The following CUBN variants were observed in gnomAD, a reference collection of about 807,000 sequenced individuals.
The protein encoded by CUBN is 460 kDa receptor.
A neutral mutation model predicts 405.3 loss-of-function variants in CUBN; 282 were observed. That is an observed-to-expected ratio of 0.70 (90% confidence interval 0.63 to 0.77). The LOEUF (loss-of-function observed/expected upper bound fraction) is 0.77, where lower values mean the gene tolerates loss of function less well. CUBN is among the 30% of genes least tolerant of loss of function. The probability of loss-of-function intolerance (pLI) is 0.00; values close to 1 mark genes in which losing one functional copy is unlikely to be tolerated. For missense variants in CUBN, 4,514 were observed against 4,475.2 expected (o/e 1.01, Z -0.25); for synonymous variants, 1,684 against 1,617.0 (o/e 1.04, Z -0.99).
intron 28 of CUBN, among the ~76,000 whole-genome samples, chr10:16,996,864 T>C (rs547939367): frequency 1.3e-5 from 2 of 152,210 alleles, no homozygotes; most frequent in African/African-American, 2.4e-5. Context: ...AGAGAAGTGA[T>C]TCATCACCGA....
In CUBN at chr10:16,913,938, G is replaced by C. The variant is rs202229367; in HGVS notation, c.7406C>G (p.Pro2469Arg). Residue 2469 changes from proline (P) to arginine (R), a missense_variant, in exon 48 of 67, where the codon CCG becomes CGG. Physicochemically the swap from Pro to Arg is moderately radical, Grantham distance 103. This residue lies in a region of CUBN where 1,613 missense variants were observed against 1,542.8 expected (regional missense o/e 1.05). Coordinates refer to ENST00000377833, the MANE Select transcript of CUBN (RefSeq NM_001081.4). ...GATCCGGCCATGAGGATTTGGGTTCGGGTAGTTGGGAGAAGTAAATGTTCC... is the reference window on the plus strand; with the variant it reads ...GATCCGGCCATGAGGATTTGGGTTCCGGTAGTTGGGAGAAGTAAATGTTCC... Reference protein sequence around the residue: ...SIGTFTSPNYPNPNPHGRICE... With the variant: ...SIGTFTSPNYRNPNPHGRICE... 6 of 1,613,950 alleles carry C rather than the reference G, an allele frequency of 3.7e-6. No homozygotes were observed. Among genetic ancestry groups the C allele is most frequent in the East Asian group, 2.2e-5 (1 of 44,876 alleles).
intron 48 of CUBN, among the ~76,000 whole-genome samples, chr10:16,912,631 C>T (rs1403347772): frequency 1.3e-5 from 2 of 152,130 alleles, no homozygotes; most frequent in Non-Finnish European, 2.9e-5. Context: ...AGCAGGCCGC[C>T]ATCTGGGGAG....
intron 14 of CUBN, among the ~76,000 whole-genome samples, chr10:17,088,894 G>T (rs888182632): frequency 6.6e-6 from 1 of 152,102 alleles, no homozygotes; most frequent in Admixed American, 6.6e-5. Flanking sequence ...AGCAAGTGAG[G>T]GACTGAGCCA....
Position 17,047,617 on chromosome 10 carries a change from C to G in CUBN, c.3140-14G>C. ...CTTGCAAACATGCTGTGAACAGAAA[C>G]AGACCATAAGAGAGAAAATAGAAAA... On this transcript the variant is annotated splice_polypyrimidine_tract_variant and intron_variant, in intron 22 of 66. Transcript: ENST00000377833. The G allele has an allele frequency of 6.2e-7, 1 of 1,610,284 alleles. No homozygotes were observed. Among genetic ancestry groups the G allele is most frequent in the Non-Finnish European group, 8.5e-7 (1 of 1,176,620 alleles).
In CUBN at chr10:16,888,577, A is replaced by G; in HGVS notation, c.8756-11T>C. 1 of 1,610,868 alleles carries G rather than the reference A, an allele frequency of 6.2e-7. No homozygotes were observed. The highest frequency in any genetic ancestry group is 1.1e-5 in the South Asian group (1 of 91,000). ...AATTACTTCCACATCCTATGTGGGA[A>G]CAAAAAGTCATCATCAGATCATTTA... is the stretch of plus-strand genomic sequence containing the variant. On this transcript the variant is annotated splice_polypyrimidine_tract_variant and intron_variant, in intron 55 of 66. Coordinates refer to ENST00000377833, the MANE Select transcript of CUBN (RefSeq NM_001081.4).
chr10:17,101,242 T>C (rs182006084), intron 13 of CUBN, among the ~76,000 whole-genome samples: 21 of 152,338 alleles, frequency 1.4e-4, no homozygotes, highest in Non-Finnish European at 2.9e-4. Flanking sequence ...ATGTCCATTA[T>C]GAGTGAGAAG....
chr10:16,976,924 A>G (rs913037169), intron 31 of CUBN, among the ~76,000 whole-genome samples: 1 of 152,158 alleles, frequency 6.6e-6, no homozygotes, highest in African/African-American at 2.4e-5. Flanking sequence ...TCTTCTTCAT[A>G]TTGCAATGTC....
intron 33 of CUBN, 74 bp from the exon 34 acceptor site, chr10:16,950,185 G>A: frequency 1.0e-6 from 1 of 994,942 alleles, no homozygotes; most frequent in Non-Finnish European, 1.6e-6. Flanking sequence ...GGCAAGACGG[G>A]GAGGTGGGGA....
At chr10:17,022,551 A>G (rs543923037) in intron 27 of CUBN, among the ~76,000 whole-genome samples, 17 of 152,316 alleles carry the variant, frequency 1.1e-4, no homozygotes, top group African/African-American at 3.8e-4. Context: ...GGGAAACGAA[A>G]CGGAACAGAA....
chr10:17,070,900 T>A (rs781600253), intron 19 of CUBN, among the ~76,000 whole-genome samples: 1 of 152,184 alleles, frequency 6.6e-6, no homozygotes, highest in Non-Finnish European at 1.5e-5. Flanking sequence ...AGTGTAATGC[T>A]GAATAGAAGT....
intron 31 of CUBN, among the ~76,000 whole-genome samples, chr10:16,977,922 C>T (rs908627026): frequency 2.7e-4 from 41 of 152,290 alleles, no homozygotes; most frequent in Admixed American, 1.4e-3. Flanking sequence ...CTTATTTAAT[C>T]GGCTATTACA....
chr10:17,056,380 G>A (rs937442534), intron 22 of CUBN, among the ~76,000 whole-genome samples: 1 of 152,118 alleles, frequency 6.6e-6, no homozygotes, highest in Non-Finnish European at 1.5e-5. Flanking sequence ...GGAAGACGAG[G>A]CGGGCGGATC....
intron 51 of CUBN, 67 bp from the exon 52 acceptor site, chr10:16,901,526 A>AAGT (rs1354461708): frequency 2.5e-6 from 4 of 1,588,562 alleles, no homozygotes; most frequent in Non-Finnish European, 3.4e-6. Context: ...ATGCCAAAGT[A>AAGT]AGTAGTAATC....
At chr10:17,069,646 T>C (rs1361804792) in intron 19 of CUBN, among the ~76,000 whole-genome samples, 1 of 152,178 alleles carries the variant, frequency 6.6e-6, no homozygotes, top group East Asian at 1.9e-4. Flanking sequence ...CAGGCTCAAG[T>C]GATCCTCCTA....
In CUBN at chr10:16,953,539, C is replaced by T. The variant is rs542184946; in HGVS notation, c.4855+850G>A. Among the ~76,000 whole-genome samples the T allele has an allele frequency of 5.9e-5, 9 of 152,126 alleles. No individual in the cohort carries two copies. In the South Asian group the frequency reaches 1.9e-3, roughly 32 times the overall value. ...GGGATAAGGGGTTCATCTCTTAGAA[C>T]GAGCAGATGAAAGGCAATGGGTAAA... On this transcript the variant is annotated intron_variant, in intron 32 of 66. Transcript: ENST00000377833.
intron 59 of CUBN, among the ~76,000 whole-genome samples, chr10:16,859,223 T>C (rs1179536682): frequency 6.6e-6 from 1 of 152,158 alleles, no homozygotes; most frequent in Non-Finnish European, 1.5e-5. Context: ...GCAAACCACA[T>C]ACTGACAAAG....
At chr10:16,935,996 G>A (rs1051122468) in intron 39 of CUBN, among the ~76,000 whole-genome samples, 1 of 151,398 alleles carries the variant, frequency 6.6e-6, no homozygotes, top group Non-Finnish European at 1.5e-5. Context: ...CTTTCACAGT[G>A]TGGTATCATT....
chr10:16,972,034 C>T (rs7904675), intron 31 of CUBN, among the ~76,000 whole-genome samples: 9,884 of 152,158 alleles, frequency 0.065, 1,129 homozygotes, highest in African/African-American at 0.23. Context: ...CGCTCGTTGG[C>T]ATCCTGCATG....
chr10:16,969,694 G>T (rs1246809015), intron 31 of CUBN, among the ~76,000 whole-genome samples: 1 of 152,032 alleles, frequency 6.6e-6, no homozygotes, highest in Non-Finnish European at 1.5e-5. Context: ...CTTCTACTTG[G>T]CGAATTTTGC....
Sources: gnomAD v4.1 joint callset for allele counts (sites outside exome capture counted in the v4.1 genomes callset) on GRCh38, gnomAD v4.1.1 for gene constraint, gnomAD v4.1.1 regional missense constraint, MANE v1.5 for transcripts, NCBI Gene and HGNC (gene_info 2026-07-23, HGNC 2026-07-21) for gene names.